The following DPP6 variants were observed in gnomAD, a reference collection of about 807,000 sequenced individuals.
DPP6 encodes A-type potassium channel modulatory protein DPP6.
DPP6 carries 69 observed loss-of-function variants against 122.6 expected under a neutral mutation model. The ratio of observed to expected loss-of-function variants is 0.56; its 90% CI spans 0.46 to 0.69. DPP6 has a LOEUF of 0.69. Among genes scored for constraint, DPP6 ranks in the 30% least tolerant of loss-of-function variants. DPP6 has a pLI of 0.00. For missense variants in DPP6, 928 were observed against 1,116.9 expected (o/e 0.83, Z 2.41); for synonymous variants, 418 against 433.1 (o/e 0.97, Z 0.43).
At chr7:153,864,597 C>T in the DPP6 span, among the ~76,000 whole-genome samples, 1 of 151,418 alleles carries the variant, frequency 6.6e-6, no homozygotes, top group Non-Finnish European at 1.5e-5. Flanking sequence ...GCAGAAGTGG[C>T]AGTGAGCCAA....
intron 4 of DPP6, among the ~76,000 whole-genome samples, chr7:154,546,892 G>A (rs950138341): frequency 6.6e-6 from 1 of 152,174 alleles, no homozygotes; most frequent in Admixed American, 6.5e-5. Flanking sequence ...CTTGACCCCT[G>A]CATCAGTAAT....
Position 154,803,858 on chromosome 7 carries a change from T to C in DPP6, c.1408-6T>C. On this transcript the variant is annotated splice_polypyrimidine_tract_variant and splice_region_variant and intron_variant, in intron 13 of 25. Transcript: ENST00000377770. ...CTGCTCCTGATGCCATGTCTGTGTG[T>C]TTCAGCCCAACAGCAGCAACGACAA... 1 of 1,613,122 alleles carries C rather than the reference T, an allele frequency of 6.2e-7. No homozygotes were observed. The highest frequency in any genetic ancestry group is 8.5e-7 in the Non-Finnish European group (1 of 1,179,376).
chr7:153,841,635 T>C, the DPP6 span, among the ~76,000 whole-genome samples: 1 of 152,244 alleles, frequency 6.6e-6, no homozygotes, highest in Admixed American at 6.5e-5. Flanking sequence ...TTTTAAAATC[T>C]TTTCACATTT....
chr7:154,442,233 T>C (rs1819439871), intron 1 of DPP6, among the ~76,000 whole-genome samples: 1 of 152,314 alleles, frequency 6.6e-6, no homozygotes, highest in East Asian at 1.9e-4. Context: ...GTAAGGTAAC[T>C]GTGTCCTTAA....
chr7:154,582,347 T>C (rs1832127208), intron 5 of DPP6, among the ~76,000 whole-genome samples: 1 of 152,178 alleles, frequency 6.6e-6, no homozygotes, highest in South Asian at 2.1e-4. Flanking sequence ...GGGACAGAAA[T>C]AAGTTAGTTT....
chr7:153,789,634 A>G, the DPP6 span, among the ~76,000 whole-genome samples: 9 of 152,328 alleles, frequency 5.9e-5, no homozygotes, highest in African/African-American at 1.9e-4. Context: ...AAGCTTTTGT[A>G]TTGATGAGAG....
At chr7:154,209,451 C>A (rs1799620751) in intron 1 of DPP6, among the ~76,000 whole-genome samples, 1 of 151,658 alleles carries the variant, frequency 6.6e-6, no homozygotes, top group Non-Finnish European at 1.5e-5. Flanking sequence ...AGTGGTAACT[C>A]TAGTTTTAAA....
intron 16 of DPP6, chr7:154,838,766 C>G (rs1344650702): frequency 6.6e-6 from 1 of 152,192 alleles, no homozygotes; most frequent in Non-Finnish European, 1.5e-5. Flanking sequence ...CTTTAAACAT[C>G]TCACAAAATG....
At chr7:154,242,781 T>C (rs868184316) in intron 1 of DPP6, among the ~76,000 whole-genome samples, 1 of 152,136 alleles carries the variant, frequency 6.6e-6, no homozygotes, top group Non-Finnish European at 1.5e-5. Context: ...TTTCCAGAAG[T>C]CTTGATGAAG....
chr7:154,347,940 C>CTT (rs1810535532), intron 1 of DPP6, among the ~76,000 whole-genome samples: 1 of 152,166 alleles, frequency 6.6e-6, no homozygotes, highest in Admixed American at 6.5e-5. Context: ...GGCAAGTGGA[C>CTT]TTTGATAGAC....
At chr7:154,126,157 C>CAATATTCA (rs1168687632) in intron 1 of DPP6, among the ~76,000 whole-genome samples, 1 of 152,098 alleles carries the variant, frequency 6.6e-6, no homozygotes, top group Non-Finnish European at 1.5e-5. Flanking sequence ...CTTCAATATT[C>CAATATTCA]ATTTTGGTTC....
chr7:154,852,013 G>T (rs547888701), intron 16 of DPP6, among the ~76,000 whole-genome samples: 25 of 152,160 alleles, frequency 1.6e-4, no homozygotes, highest in Non-Finnish European at 1.6e-4. Flanking sequence ...ACCTGTGGAT[G>T]GGCACTGGCC....
intron 6 of DPP6, among the ~76,000 whole-genome samples, chr7:154,661,899 G>A (rs1245008094): frequency 2.3e-4 from 33 of 144,982 alleles, no homozygotes; most frequent in Middle Eastern, 4.2e-3. Context: ...CATATTGGCC[G>A]TAGTGTTCAC....
At chr7:153,927,626 A>G (rs1800962159) in intron 1 of DPP6, among the ~76,000 whole-genome samples, 1 of 152,220 alleles carries the variant, frequency 6.6e-6, no homozygotes, top group African/African-American at 2.4e-5. Flanking sequence ...TCGTCTTAAA[A>G]GTGATTGTGT....
chr7:153,968,088 T>G (rs1326627311), intron 1 of DPP6, among the ~76,000 whole-genome samples: 1 of 150,148 alleles, frequency 6.7e-6, no homozygotes, highest in Non-Finnish European at 1.5e-5. Context: ...GTAGTGGGAT[T>G]GCTGGGTCGA....
chr7:154,721,808 G>T (rs1841825765), intron 7 of DPP6, among the ~76,000 whole-genome samples: 1 of 152,066 alleles, frequency 6.6e-6, no homozygotes, highest in African/African-American at 2.4e-5. Flanking sequence ...ACTTCATTCA[G>T]GCCAGCCACT....
At chr7:154,021,460 A>T (rs1304688103) in intron 1 of DPP6, among the ~76,000 whole-genome samples, 1 of 152,166 alleles carries the variant, frequency 6.6e-6, no homozygotes, top group Non-Finnish European at 1.5e-5. Context: ...TGCTTTTTAC[A>T]GCAGCACCTC....
chr7:153,808,164 C>T, the DPP6 span, among the ~76,000 whole-genome samples: 1 of 152,084 alleles, frequency 6.6e-6, no homozygotes, highest in South Asian at 2.1e-4. Flanking sequence ...AAGGGACATA[C>T]CCATCCTAAC....
chr7:154,700,391 G>A (rs4960726), intron 7 of DPP6, among the ~76,000 whole-genome samples: 6,974 of 152,322 alleles, frequency 0.046, 533 homozygotes, highest in African/African-American at 0.16. Context: ...CTACCAGCAC[G>A]GTTCACAGAG....
Sources: allele counts gnomAD v4.1 joint callset (sites outside exome capture counted in the v4.1 genomes callset), GRCh38; gene constraint gnomAD v4.1.1; transcripts MANE v1.5; gene names NCBI Gene and HGNC (gene_info 2026-07-23, HGNC 2026-07-21).